MALRD1: variants seen among roughly 807,000 people sequenced by gnomAD.
MALRD1 encodes MAM and LDL-receptor class A domain-containing protein 1.
In MALRD1, 247 loss-of-function variants were observed where a neutral mutation model predicts 242.1. The ratio of observed to expected loss-of-function variants is 1.02; its 90% CI spans 0.92 to 1.13. The LOEUF is 1.13. MALRD1 is among the 50% of genes most tolerant of loss of function. MALRD1 has a pLI of 0.00. For missense variants in MALRD1, 2,989 were observed against 2,533.1 expected, an observed-to-expected ratio of 1.18 and a Z score of -3.86; for synonymous variants, 995 against 866.6, an observed-to-expected ratio of 1.15 and a Z score of -2.60.
chr10:19,427,804 A>G (rs1833959396), intron 28 of MALRD1, among the ~76,000 whole-genome samples: 1 of 152,188 alleles, frequency 6.6e-6, no homozygotes, highest in South Asian at 2.1e-4. Flanking sequence ...GAGGGCTAAA[A>G]GAGTCCCAAT....
chr10:19,491,965 C>T (rs1039994800), intron 30 of MALRD1, among the ~76,000 whole-genome samples: 3 of 151,246 alleles, frequency 2.0e-5, no homozygotes, highest in Non-Finnish European at 4.4e-5. Flanking sequence ...ACTGCAGTAG[C>T]AATCTGCCTT....
rs370503268 is a variant in MALRD1 at position 19,186,898 on chromosome 10, C to T, written c.1951+11570C>T. The stretch of plus-strand genomic sequence containing the variant: ...ATGTGTGTGATAGGTAAAAAAGGGG[C>T]GTAAAGAGCCTTCCCCACCTAACAC... On this transcript the variant is annotated intron_variant, in intron 14 of 39. Transcript: ENST00000454679. 2.0e-5 allele frequency among the ~76,000 whole-genome samples: 3 copies of T among 152,182 alleles called. No homozygotes were observed. The East Asian group carries it at 5.8e-4, about 29-fold the overall frequency.
chr10:19,262,071 G>A (rs1839775261), intron 19 of MALRD1, among the ~76,000 whole-genome samples: 1 of 151,868 alleles, frequency 6.6e-6, no homozygotes, highest in Admixed American at 6.6e-5. Flanking sequence ...GTCATCATTT[G>A]CTCTTCCAAG....
intron 21 of MALRD1, among the ~76,000 whole-genome samples, chr10:19,307,057 T>G (rs1194762963): frequency 1.3e-5 from 2 of 151,468 alleles, no homozygotes; most frequent in Non-Finnish European, 3.0e-5. Context: ...ACAGAGACCT[T>G]GGAATTGTAA....
chr10:19,316,073 A>C (rs1163209689), intron 21 of MALRD1, among the ~76,000 whole-genome samples: 2 of 150,620 alleles, frequency 1.3e-5, no homozygotes, highest in Admixed American at 1.3e-4. Flanking sequence ...CTCCTTAGTA[A>C]ATTTACGTAA....
chr10:19,429,503 G>A (rs1834036165), intron 28 of MALRD1, among the ~76,000 whole-genome samples: 1 of 152,244 alleles, frequency 6.6e-6, no homozygotes, highest in South Asian at 2.1e-4. Context: ...GGTGGAGGTT[G>A]CGGTGAGCCG....
intron 33 of MALRD1, among the ~76,000 whole-genome samples, chr10:19,590,763 C>G (rs1437226751): frequency 1.3e-5 from 2 of 151,944 alleles, no homozygotes; most frequent in Non-Finnish European, 2.9e-5. Flanking sequence ...GTTTTAGGTT[C>G]ACAGCAGAAT....
At chr10:19,260,282 CAGAT>C (rs34592133) in intron 19 of MALRD1, among the ~76,000 whole-genome samples, 23,609 of 151,998 alleles carry the variant, frequency 0.16, 2,331 homozygotes, top group East Asian at 0.27. Flanking sequence ...GACAGACAGA[CAGAT>C]AGATAGACAG....
chr10:19,551,311 A>C (rs1835459733), intron 32 of MALRD1, among the ~76,000 whole-genome samples: 1 of 151,898 alleles, frequency 6.6e-6, no homozygotes, highest in African/African-American at 2.4e-5. Context: ...CATTGTAGAG[A>C]TCTTTCACCT....
intron 4 of MALRD1, among the ~76,000 whole-genome samples, chr10:19,102,370 C>T (rs938535445): frequency 5.9e-5 from 9 of 151,744 alleles, no homozygotes; most frequent in African/African-American, 1.9e-4. Flanking sequence ...AAAGAAAATA[C>T]GACTTTCTTA....
At chr10:19,548,718 T>C (rs939618714) in intron 32 of MALRD1, among the ~76,000 whole-genome samples, 5 of 152,204 alleles carry the variant, frequency 3.3e-5, no homozygotes, top group South Asian at 2.1e-4. Flanking sequence ...TGTGGATCCC[T>C]TGTGTCACTC....
chr10:19,483,863 A>G (rs1241625332), intron 29 of MALRD1, among the ~76,000 whole-genome samples: 1 of 152,176 alleles, frequency 6.6e-6, no homozygotes, highest in Non-Finnish European at 1.5e-5. Context: ...TAGCAAGGAC[A>G]TGGAATCAAC....
chr10:19,276,498 T>A (rs1840534617), intron 19 of MALRD1, among the ~76,000 whole-genome samples: 1 of 152,128 alleles, frequency 6.6e-6, no homozygotes, highest in Non-Finnish European at 1.5e-5. Flanking sequence ...TGTTTTGCAG[T>A]CCTCAGCAAA....
intron 26 of MALRD1, among the ~76,000 whole-genome samples, chr10:19,384,519 A>T (rs1233757864): frequency 8.5e-6 from 1 of 117,982 alleles, no homozygotes; most frequent in Non-Finnish European, 1.7e-5. Flanking sequence ...ATTATATATT[A>T]TATAGTGTAT....
At chr10:19,634,683 T>C (rs1333790187) in intron 36 of MALRD1, among the ~76,000 whole-genome samples, 1 of 152,154 alleles carries the variant, frequency 6.6e-6, no homozygotes, top group East Asian at 1.9e-4. Context: ...AATACTCATC[T>C]GGAAAGCAAG....
chr10:19,685,984 T>C (rs1007673942), intron 36 of MALRD1, among the ~76,000 whole-genome samples: 1 of 152,040 alleles, frequency 6.6e-6, no homozygotes, highest in Non-Finnish European at 1.5e-5. Flanking sequence ...CTGTTAGCAA[T>C]GGAGAGTATC....
chr10:19,516,226 G>A (rs7922736), intron 31 of MALRD1, among the ~76,000 whole-genome samples: 5,462 of 152,086 alleles, frequency 0.036, 176 homozygotes, highest in African/African-American at 0.091. Context: ...ATGTAAATTT[G>A]AAAATAATTT....
chr10:19,710,086 G>A (rs1036036953), intron 38 of MALRD1, among the ~76,000 whole-genome samples: 11 of 152,062 alleles, frequency 7.2e-5, no homozygotes, highest in African/African-American at 2.4e-4. Context: ...GGGCAACAAA[G>A]CAAAACCCTA....
chr10:19,466,797 A>G (rs558590489), intron 29 of MALRD1, among the ~76,000 whole-genome samples: 1 of 152,154 alleles, frequency 6.6e-6, no homozygotes, highest in African/African-American at 2.4e-5. Context: ...TATGTTTCAT[A>G]TACATCTATG....
Sources: allele counts gnomAD v4.1 joint callset (sites outside exome capture counted in the v4.1 genomes callset), GRCh38; gene constraint gnomAD v4.1.1; transcripts MANE v1.5; gene names NCBI Gene and HGNC (gene_info 2026-07-23, HGNC 2026-07-21).